WDPCP: variants seen among roughly 807,000 people sequenced by gnomAD.
WDPCP encodes WD repeat-containing and planar cell polarity effector protein fritz homolog.
In WDPCP, 71 loss-of-function variants were observed where a neutral mutation model predicts 93.1. The ratio of observed to expected loss-of-function variants is 0.76; its 90% CI spans 0.63 to 0.93. The LOEUF (loss-of-function observed/expected upper bound fraction) is 0.93, where lower values mean the gene tolerates loss of function less well. Ranked by LOEUF, WDPCP falls within the 40% of genes least tolerant of loss-of-function variation. The pLI is 0.00. For missense variants in WDPCP, 844 were observed against 887.4 expected, an observed-to-expected ratio of 0.95 and a Z score of 0.62; for synonymous variants, 315 against 315.0, an observed-to-expected ratio of 1.00 and a Z score of 0.00.
intron 10 of WDPCP, among the ~76,000 whole-genome samples, chr2:63,395,072 C>G (rs1693599685): frequency 6.6e-6 from 1 of 151,984 alleles, no homozygotes; most frequent in Admixed American, 6.6e-5. Context: ...ACATAATGAC[C>G]TACTGCTCAG....
intron 12 of WDPCP, among the ~76,000 whole-genome samples, chr2:63,346,765 C>T (rs1376038004): frequency 3.9e-5 from 6 of 152,182 alleles, no homozygotes; most frequent in Non-Finnish European, 7.3e-5. Flanking sequence ...GCCTCATCTT[C>T]CCTGAACTCC....
intron 1 of WDPCP, among the ~76,000 whole-genome samples, chr2:63,508,401 C>T (rs1702019871): frequency 1.3e-5 from 2 of 152,174 alleles, no homozygotes; most frequent in Middle Eastern, 6.8e-3. Context: ...ATTGTGTCAC[C>T]ACCAGGCCCA....
intron 6 of WDPCP, among the ~76,000 whole-genome samples, chr2:63,447,214 T>G (rs911548807): frequency 1.3e-5 from 2 of 152,032 alleles, no homozygotes; most frequent in African/African-American, 4.8e-5. Context: ...ATAAAGAAAT[T>G]GTAGAAACAC....
chr2:63,566,368 C>T (rs1707055497), intron 1 of WDPCP, among the ~76,000 whole-genome samples: 1 of 152,204 alleles, frequency 6.6e-6, no homozygotes, highest in Non-Finnish European at 1.5e-5. Context: ...GAAGCTCTCC[C>T]CACTTCTAGT....
intron 17 of WDPCP, among the ~76,000 whole-genome samples, chr2:63,136,575 G>A (rs765726095): frequency 6.6e-6 from 1 of 152,152 alleles, no homozygotes. Context: ...AGGAATACAT[G>A]TGTAGGTTTG....
chr2:63,200,843 G>A (rs1675853427), intron 14 of WDPCP, among the ~76,000 whole-genome samples: 1 of 152,162 alleles, frequency 6.6e-6, no homozygotes, highest in African/African-American at 2.4e-5. Flanking sequence ...ACAGTAGAAG[G>A]ATGGTTACTA....
intron 1 of WDPCP, among the ~76,000 whole-genome samples, chr2:63,507,317 C>T (rs1452224916): frequency 1.3e-5 from 2 of 151,920 alleles, no homozygotes; most frequent in African/African-American, 4.8e-5. Flanking sequence ...AATCGCAACA[C>T]TGGGAGTTGT....
At chr2:63,235,323 A>G (rs566052097) in intron 14 of WDPCP, among the ~76,000 whole-genome samples, 2 of 152,302 alleles carry the variant, frequency 1.3e-5, no homozygotes, top group East Asian at 3.9e-4. Context: ...ACAGAACAGT[A>G]AACAACAAGT....
At chr2:63,750,596 A>G (rs1669864900) in intron 2 of WDPCP, among the ~76,000 whole-genome samples, 1 of 152,134 alleles carries the variant, frequency 6.6e-6, no homozygotes, top group South Asian at 2.1e-4. Flanking sequence ...TGAGGGGAAA[A>G]GCATTCAATG....
intron 2 of WDPCP, among the ~76,000 whole-genome samples, chr2:63,666,353 T>C (rs1001329949): frequency 4.6e-5 from 7 of 152,228 alleles, no homozygotes; most frequent in African/African-American, 1.7e-4. Flanking sequence ...CTGATTTCAC[T>C]GCCTGCTGTG....
chr2:63,121,847 A>C lies in WDPCP; in HGVS notation c.*159T>G, dbSNP rs1407670490. 1.4e-6 allele frequency: 2 copies of C among 1,410,740 alleles called. No individual in the cohort carries two copies. The highest frequency in any genetic ancestry group is 2.9e-5 in the African/African-American group (2 of 69,226). The allele number at this position is 1,410,740 out of a possible 1,614,324, so 87.4% of individuals were successfully genotyped here. On this transcript the variant is annotated 3_prime_UTR_variant, in exon 18 of 18. Coordinates refer to ENST00000272321, the MANE Select transcript of WDPCP (RefSeq NM_015910.7). Reference sequence around the variant, plus strand: ...TATGCTGCATGTTTTTGAAATAATAAAACTTTATTTTGAAAACAAACACTC... The same window carrying C: ...TATGCTGCATGTTTTTGAAATAATACAACTTTATTTTGAAAACAAACACTC...
intron 2 of WDPCP, among the ~76,000 whole-genome samples, chr2:63,768,986 G>A (rs1202629104): frequency 1.3e-5 from 2 of 151,950 alleles, no homozygotes; most frequent in Non-Finnish European, 2.9e-5. Flanking sequence ...ACAATGTACT[G>A]ACAAGAAAGT....
At chr2:63,244,131 T>C (rs2421918) in intron 14 of WDPCP, among the ~76,000 whole-genome samples, 136,793 of 152,218 alleles carry the variant, frequency 0.9, 61,607 homozygotes, top group South Asian at 0.94. Flanking sequence ...TCTTGAATTA[T>C]TTTGGGCATT....
At chr2:63,511,452 C>G (rs2106090839) in intron 1 of WDPCP, among the ~76,000 whole-genome samples, 1 of 152,178 alleles carries the variant, frequency 6.6e-6, no homozygotes, top group Non-Finnish European at 1.5e-5. Context: ...CAATCCTAAG[C>G]AAAAAGAACA....
chr2:63,137,419 T>C (rs1342972736), intron 17 of WDPCP, among the ~76,000 whole-genome samples: 1 of 152,192 alleles, frequency 6.6e-6, no homozygotes, highest in Non-Finnish European at 1.5e-5. Flanking sequence ...ATTTTTTTTC[T>C]TCTTGTATAT....
rs527405889 is a variant in WDPCP at position 63,632,589 on chromosome 2, TAGAG to T, written n.488+18066_488+18069del. ...GCAATGAATAAAATGCAAAATGAAA[TAGAG>T]AGCATCAACAGCAGACTTGAACAAG... On this transcript the variant is annotated intron_variant and non_coding_transcript_variant, in intron 3 of 4. Coordinates refer to the WDPCP transcript ENST00000467687. Among the ~76,000 whole-genome samples the T allele has an allele frequency of 5.4e-3, 821 of 152,050 alleles. 2 individuals are homozygous for T. The highest frequency in any genetic ancestry group is 0.044 in the Middle Eastern group (13 of 294).
At chr2:63,371,101 C>T (rs1156462474) in intron 12 of WDPCP, among the ~76,000 whole-genome samples, 2 of 152,118 alleles carry the variant, frequency 1.3e-5, no homozygotes, top group Non-Finnish European at 2.9e-5. Flanking sequence ...CAAAACCAAA[C>T]TCCTGGTCTT....
chr2:63,460,819 G>A (rs1185988216), intron 6 of WDPCP, among the ~76,000 whole-genome samples: 1 of 151,840 alleles, frequency 6.6e-6, no homozygotes, highest in Admixed American at 6.6e-5. Flanking sequence ...GTAGAGGCGG[G>A]GTTTCACCAT....
intron 1 of WDPCP, among the ~76,000 whole-genome samples, chr2:63,537,961 T>A (rs1704422984): frequency 6.6e-6 from 1 of 152,184 alleles, no homozygotes; most frequent in Non-Finnish European, 1.5e-5. Context: ...ACAAATGCCA[T>A]CTCTGCCGAA....
Sources: gnomAD v4.1 joint callset for allele counts (sites outside exome capture counted in the v4.1 genomes callset) on GRCh38, gnomAD v4.1.1 for gene constraint, MANE v1.5 for transcripts, NCBI Gene and HGNC (gene_info 2026-07-23, HGNC 2026-07-21) for gene names.